CELF2: variants seen among roughly 807,000 people sequenced by gnomAD.
The protein encoded by CELF2 is CUG triplet repeat RNA-binding protein 2.
In CELF2, 8 loss-of-function variants were observed where a neutral mutation model predicts 62.6. The observed-to-expected ratio is 0.13, with a 90% CI of 0.07 to 0.23. The LOEUF (loss-of-function observed/expected upper bound fraction) is 0.23, where lower values mean the gene tolerates loss of function less well. CELF2 is among the 10% of genes least tolerant of loss of function. The probability of loss-of-function intolerance (pLI) is 1.00; values close to 1 mark genes in which losing one functional copy is unlikely to be tolerated. For missense variants in CELF2, 333 were observed against 671.0 expected, an observed-to-expected ratio of 0.50 and a Z score of 5.56; for synonymous variants, 258 against 250.0, an observed-to-expected ratio of 1.03 and a Z score of -0.30.
intron 1 of CELF2, among the ~76,000 whole-genome samples, chr10:11,130,709 T>C (rs896024523): frequency 6.6e-6 from 1 of 152,196 alleles, no homozygotes; most frequent in Non-Finnish European, 1.5e-5. Flanking sequence ...AATGTGTACT[T>C]AAAAAACAGT....
intron 3 of CELF2, among the ~76,000 whole-genome samples, chr10:11,221,108 G>A (rs2064738195): frequency 6.6e-6 from 1 of 152,226 alleles, no homozygotes; most frequent in African/African-American, 2.4e-5. Flanking sequence ...GAGTGTATCT[G>A]CACAGGCTGG....
Position 11,332,684 on chromosome 10 carries a change from A to AGGATCAGTGTGTGTGGATGG in CELF2, c.*3633_*3652dup, listed in dbSNP as rs1408920550. 1.3e-5 allele frequency: 2 copies of AGGATCAGTGTGTGTGGATGG among 150,996 alleles called. No individual in the cohort carries two copies. The highest frequency in any genetic ancestry group is 5.0e-5 in the African/African-American group (2 of 39,838). 9.4% of individuals were successfully genotyped at this position (150,996 alleles called of 1,614,324 possible). A position where few individuals can be genotyped will look rare whatever the true frequency, so the allele number is the denominator to read the frequency against. ...CCCCTTCCCCGCTCAGCACCCTGTT[A>AGGATCAGTGTGTGTGGATGG]GGATCAGTGTGTGTGGATGGGATAG... On this transcript the variant is annotated 3_prime_UTR_variant, in exon 13 of 13. Coordinates refer to ENST00000633077, the MANE Select transcript of CELF2 (RefSeq NM_001326342.2).
chr10:10,944,879 A>G (rs1334515020), intron 2 of CELF2, among the ~76,000 whole-genome samples: 1 of 152,194 alleles, frequency 6.6e-6, no homozygotes, highest in Non-Finnish European at 1.5e-5. Flanking sequence ...CTGGAATTAT[A>G]GGCATGAGTC....
intron 9 of CELF2, among the ~76,000 whole-genome samples, chr10:11,294,108 G>A (rs2092865385): frequency 6.6e-6 from 1 of 152,154 alleles, no homozygotes. Flanking sequence ...TTTATTACAG[G>A]GGCAGCTTAT....
At chr10:10,803,815 G>T (rs145190999) in intron 1 of CELF2, among the ~76,000 whole-genome samples, 1 of 152,054 alleles carries the variant, frequency 6.6e-6, no homozygotes, top group South Asian at 2.1e-4. Context: ...CCTAGCACAC[G>T]ACAATGAATG....
At position 11,246,198 on chromosome 10, in the gene CELF2, C is replaced by T. The variant is rs1390531546; in HGVS notation, c.355-2955C>T. 6.6e-6 allele frequency among the ~76,000 whole-genome samples: 1 copy of T among 152,076 alleles called. No individual in the cohort carries two copies. Among genetic ancestry groups the T allele is most frequent in the Non-Finnish European group, 1.5e-5 (1 of 68,026 alleles). ...TTTTTATGTGGATGCGTATCGACCG[C>T]CATGATAGACTGCACACTCCCTGTG... On this transcript the variant is annotated intron_variant, in intron 3 of 12. Transcript: ENST00000633077. This position sits in a 1 kb window ranked among gnomAD's most constrained non-coding sequence, Gnocchi z 4.6.
intron 2 of CELF2, among the ~76,000 whole-genome samples, chr10:10,926,177 C>T (rs1337038004): frequency 1.3e-5 from 2 of 152,028 alleles, no homozygotes; most frequent in Middle Eastern, 3.2e-3. Flanking sequence ...TGAATGTGTC[C>T]CCCACAATTC....
At chr10:10,639,917 G>C in the CELF2 span, among the ~76,000 whole-genome samples, 1 of 152,152 alleles carries the variant, frequency 6.6e-6, no homozygotes, top group Non-Finnish European at 1.5e-5. Context: ...ACATGAAACA[G>C]TCTCCATTCC....
chr10:10,894,916 G>C (rs1442908997), intron 1 of CELF2, among the ~76,000 whole-genome samples: 1 of 152,060 alleles, frequency 6.6e-6, no homozygotes, highest in Non-Finnish European at 1.5e-5. Flanking sequence ...CTCTTACATT[G>C]TTCCACTTGT....
At chr10:10,496,671 G>C in the CELF2 span, among the ~76,000 whole-genome samples, 1 of 152,128 alleles carries the variant, frequency 6.6e-6, no homozygotes, top group Non-Finnish European at 1.5e-5. Context: ...ACATAAGCTA[G>C]AACCTGAAGT....
intron 1 of CELF2, among the ~76,000 whole-genome samples, chr10:11,045,210 A>C (rs575560094): frequency 6.6e-6 from 1 of 152,140 alleles, no homozygotes; most frequent in African/African-American, 2.4e-5. Context: ...GTGCAGTGGC[A>C]TGATAATGGC....
chr10:11,025,752 G>C (rs2059096723), intron 1 of CELF2, among the ~76,000 whole-genome samples: 2 of 152,214 alleles, frequency 1.3e-5, no homozygotes, highest in South Asian at 4.1e-4. Context: ...CATTGTAACT[G>C]AAAGACTTTA....
Position 11,005,927 on chromosome 10 carries a change from C to T in CELF2, c.53+487C>T, listed in dbSNP as rs1207532869. On this transcript the variant is annotated intron_variant, in intron 1 of 12. Coordinates refer to the CELF2 transcript ENST00000416382. The surrounding 1 kb of genome is among the most constrained non-coding windows in gnomAD (Gnocchi z 4.3). ...CTCCTGTGTTACCAGGTTTGGATCA[C>T]TTTATCCTGTTTGCCAAAATGTGTA... Among the ~76,000 whole-genome samples, 3 of 152,286 alleles carry T rather than the reference C, an allele frequency of 2.0e-5. No homozygotes were observed. In the East Asian group the frequency reaches 5.8e-4, roughly 29 times the overall value.
Position 10,957,649 on chromosome 10 carries a change from G to A in CELF2, c.89+37650G>A, listed in dbSNP as rs554549091. ...CGTTCAGGATCACTTCTGTGCTCCC[G>A]ATGTAGTAAAATGACTCATAATTGG... On this transcript the variant is annotated intron_variant, in intron 2 of 13. Transcript: ENST00000636488. This position sits in a 1 kb window ranked among gnomAD's most constrained non-coding sequence, Gnocchi z 4.1. 3.9e-5 allele frequency among the ~76,000 whole-genome samples: 6 copies of A among 152,270 alleles called. No homozygotes were observed. Among genetic ancestry groups the A allele is most frequent in the South Asian group, 2.1e-4 (1 of 4,828 alleles).
In CELF2 at chr10:11,321,066, T is replaced by A; in HGVS notation, c.1097-123T>A. ...TTTCATTTTTAGTTTCCTGTCAGTGTAATTGTGTGCTAGCTGCATGTACTT... is the reference window on the plus strand; with the variant it reads ...TTTCATTTTTAGTTTCCTGTCAGTGAAATTGTGTGCTAGCTGCATGTACTT... On this transcript the variant is annotated intron_variant, in intron 10 of 12. Transcript: ENST00000633077. This position sits in a 1 kb window ranked among gnomAD's most constrained non-coding sequence, Gnocchi z 6.2. 1 of 1,301,334 alleles carries A rather than the reference T, an allele frequency of 7.7e-7. No individual in the cohort carries two copies. The highest frequency in any genetic ancestry group is 1.1e-6 in the Non-Finnish European group (1 of 917,518). 80.6% of individuals were successfully genotyped at this position (1,301,334 alleles called of 1,614,324 possible). A position where few individuals can be genotyped will look rare whatever the true frequency, so the allele number is the denominator to read the frequency against.
At chr10:11,090,432 C>T (rs948814307) in intron 1 of CELF2, among the ~76,000 whole-genome samples, 22 of 151,676 alleles carry the variant, frequency 1.5e-4, no homozygotes, top group Non-Finnish European at 2.8e-4. Flanking sequence ...TTCCCTCCTC[C>T]CAATTAATAA....
chr10:11,197,279 C>G (rs1003744816), intron 2 of CELF2, among the ~76,000 whole-genome samples: 2 of 152,030 alleles, frequency 1.3e-5, no homozygotes, highest in Admixed American at 6.5e-5. Flanking sequence ...GCACTCTGTC[C>G]GTGATACCAG....
At chr10:11,024,715 T>G (rs2058861329) in intron 1 of CELF2, among the ~76,000 whole-genome samples, 1 of 152,176 alleles carries the variant, frequency 6.6e-6, no homozygotes, top group South Asian at 2.1e-4. Flanking sequence ...GGAAATCCAG[T>G]CTCCCCAGTG....
At chr10:10,692,330 A>G in the CELF2 span, among the ~76,000 whole-genome samples, 1,652 of 149,686 alleles carry the variant, frequency 0.011, 14 homozygotes, top group African/African-American at 0.029. Context: ...GATATGTGGC[A>G]TTATTTCTGA....
Sources: allele counts gnomAD v4.1 joint callset (sites outside exome capture counted in the v4.1 genomes callset), GRCh38; gene constraint gnomAD v4.1.1; non-coding constraint Gnocchi (gnomAD v3.1); transcripts MANE v1.5; gene names NCBI Gene and HGNC (gene_info 2026-07-23, HGNC 2026-07-21).